LPP: variants seen among roughly 807,000 people sequenced by gnomAD.
LPP encodes the protein LIM domain containing preferred translocation partner in lipoma.
Under a neutral mutation model 60.4 loss-of-function variants are expected in LPP, and 38 were observed. The ratio of observed to expected loss-of-function variants is 0.63; its 90% CI spans 0.49 to 0.83. LPP has a LOEUF of 0.83. Among genes scored for constraint, LPP ranks in the 40% least tolerant of loss-of-function variants. LPP has a pLI of 0.00. For synonymous variants in LPP, 328 were observed against 290.8 expected, an observed-to-expected ratio of 1.13 and a Z score of -1.30; for missense variants, 902 against 783.6, an observed-to-expected ratio of 1.15 and a Z score of -1.80.
chr3:188,239,298 C>CT (rs898636313), intron 2 of LPP, among the ~76,000 whole-genome samples: 5 of 152,180 alleles, frequency 3.3e-5, no homozygotes, highest in Non-Finnish European at 7.3e-5. Context: ...CAAATATGGC[C>CT]TTTTTGCGGA....
chr3:188,533,274 A>G (rs1345565535), intron 6 of LPP, among the ~76,000 whole-genome samples: 3 of 152,156 alleles, frequency 2.0e-5, no homozygotes, highest in Non-Finnish European at 4.4e-5. Context: ...AAAATGTTTA[A>G]TGCTTCATAT....
intron 5 of LPP, among the ~76,000 whole-genome samples, chr3:188,506,000 T>C (rs1481909334): frequency 2.0e-5 from 3 of 152,340 alleles, no homozygotes; most frequent in East Asian, 1.9e-4. Context: ...GAAGCTCATA[T>C]CGTCATTGTC....
At chr3:188,696,047 A>G (rs1863167010) in intron 7 of LPP, among the ~76,000 whole-genome samples, 1 of 152,210 alleles carries the variant, frequency 6.6e-6, no homozygotes, top group Admixed American at 6.5e-5. Context: ...CATGCATTGG[A>G]CAATATTAAA....
At chr3:188,499,178 T>C (rs1018716463) in intron 5 of LPP, among the ~76,000 whole-genome samples, 1 of 152,224 alleles carries the variant, frequency 6.6e-6, no homozygotes, top group African/African-American at 2.4e-5. Context: ...TATTTGTGCC[T>C]TTTGTGTCAT....
intron 4 of LPP, among the ~76,000 whole-genome samples, chr3:188,406,967 C>G (rs912497278): frequency 2.2e-4 from 33 of 151,844 alleles, no homozygotes; most frequent in African/African-American, 7.7e-4. Context: ...CACTCACACA[C>G]GAAGCCTCAG....
intron 1 of LPP, among the ~76,000 whole-genome samples, chr3:188,195,692 T>C (rs1729337192): frequency 6.6e-6 from 1 of 152,260 alleles, no homozygotes; most frequent in Non-Finnish European, 1.5e-5. Flanking sequence ...AAATATCTTA[T>C]TAATAAATTA....
intron 9 of LPP, among the ~76,000 whole-genome samples, chr3:188,822,655 C>CTGA (rs1224176070): frequency 1.3e-5 from 2 of 152,154 alleles, no homozygotes. Flanking sequence ...CTTACCCATT[C>CTGA]TGATGCACTG....
chr3:188,315,992 G>T (rs989553651), intron 2 of LPP, among the ~76,000 whole-genome samples: 3 of 152,224 alleles, frequency 2.0e-5, no homozygotes, highest in Non-Finnish European at 4.4e-5. Flanking sequence ...AGATTAGCCT[G>T]TCTGGGCGCG....
chr3:188,795,660 G>C (rs900815558), intron 9 of LPP, among the ~76,000 whole-genome samples: 7 of 152,076 alleles, frequency 4.6e-5, no homozygotes, highest in Non-Finnish European at 1.0e-4. Flanking sequence ...AATTAGTTTG[G>C]TTCAAATTTA....
At position 188,738,565 on chromosome 3, in the gene LPP, T is replaced by G. The variant is rs1397958749; in HGVS notation, c.1241-21548T>G. 2.0e-5 allele frequency among the ~76,000 whole-genome samples: 3 copies of G among 152,172 alleles called. No homozygotes were observed. The East Asian group carries it at 5.8e-4, about 29-fold the overall frequency. Reference sequence around the variant, plus strand: ...CTTAAAGCTCTTTAATTTACTGTGGTTATATTATATATGTGCAATGGATCC... The same window carrying G: ...CTTAAAGCTCTTTAATTTACTGTGGGTATATTATATATGTGCAATGGATCC... On this transcript the variant is annotated intron_variant, in intron 8 of 11. Transcript: ENST00000617246.
intron 7 of LPP, among the ~76,000 whole-genome samples, chr3:188,660,857 C>T (rs2149107938): frequency 6.6e-6 from 1 of 152,236 alleles, no homozygotes; most frequent in African/African-American, 2.4e-5. Context: ...AATTGTCACC[C>T]AAAGTCCATA....
chr3:188,452,102 C>T (rs1004788594), intron 4 of LPP, among the ~76,000 whole-genome samples: 1 of 152,142 alleles, frequency 6.6e-6, no homozygotes, highest in Non-Finnish European at 1.5e-5. Flanking sequence ...GTTTGCCTTT[C>T]TCTGAAGGTG....
At chr3:188,702,661 G>T (rs1002579421) in intron 7 of LPP, among the ~76,000 whole-genome samples, 1 of 152,134 alleles carries the variant, frequency 6.6e-6, no homozygotes, top group African/African-American at 2.4e-5. Context: ...ATCATATAAC[G>T]TTAACTTGCC....
At chr3:188,218,208 C>A (rs1714392817) in intron 1 of LPP, among the ~76,000 whole-genome samples, 1 of 152,218 alleles carries the variant, frequency 6.6e-6, no homozygotes, top group South Asian at 2.1e-4. Context: ...TACCAGCCCT[C>A]TTTTTTCATT....
At chr3:188,264,486 C>T (rs1276538490) in intron 2 of LPP, among the ~76,000 whole-genome samples, 6 of 151,980 alleles carry the variant, frequency 3.9e-5, no homozygotes, top group African/African-American at 1.4e-4. Context: ...AAATGTTTTT[C>T]CTTAAGTGGT....
chr3:188,586,647 A>T (rs754157747), intron 6 of LPP, among the ~76,000 whole-genome samples: 23 of 152,094 alleles, frequency 1.5e-4, no homozygotes, highest in Non-Finnish European at 3.1e-4. Context: ...AAACTGCAGA[A>T]TGCTGAGCAG....
chr3:188,379,419 CAA>C (rs1776247116), intron 3 of LPP, among the ~76,000 whole-genome samples: 1 of 152,006 alleles, frequency 6.6e-6, no homozygotes, highest in Non-Finnish European at 1.5e-5. Flanking sequence ...TTAATTAACT[CAA>C]AGAGTAGAAT....
chr3:188,256,406 T>A (rs1731686482), intron 2 of LPP, among the ~76,000 whole-genome samples: 1 of 152,214 alleles, frequency 6.6e-6, no homozygotes, highest in African/African-American at 2.4e-5. Flanking sequence ...AGTATTGTTA[T>A]AGAACTAGAT....
chr3:188,776,169 G>A (rs1458111671), intron 9 of LPP, among the ~76,000 whole-genome samples: 2 of 152,200 alleles, frequency 1.3e-5, no homozygotes, highest in African/African-American at 4.8e-5. Flanking sequence ...CAACTTATCT[G>A]TGAGAGATTC....
Sources: allele counts gnomAD v4.1 joint callset (sites outside exome capture counted in the v4.1 genomes callset), GRCh38; gene constraint gnomAD v4.1.1; transcripts MANE v1.5; gene names NCBI Gene and HGNC (gene_info 2026-07-23, HGNC 2026-07-21).